Variants in ZNF98 observed in about 807,000 individuals in gnomAD.
ZNF98 encodes the protein zinc finger protein 98.
ZNF98 carries 8 observed loss-of-function variants against 12.8 expected under a neutral mutation model. That is an observed-to-expected ratio of 0.63 (90% CI 0.37 to 1.13). ZNF98 has a LOEUF of 1.13. ZNF98 is among the 50% of genes most tolerant of loss of function. ZNF98 has a pLI of 0.01. For missense variants in ZNF98, 379 were observed against 666.1 expected (o/e 0.57, Z 4.74); for synonymous variants, 112 against 223.5 (o/e 0.50, Z 4.45).
At chr19:22,413,351 G>A (rs1255342290) in intron 1 of ZNF98, among the ~76,000 whole-genome samples, 5 of 151,974 alleles carry the variant, frequency 3.3e-5, no homozygotes, top group African/African-American at 7.2e-5. Context: ...CTATAATCTC[G>A]GCAGAAAAGC....
chr19:22,394,278 C>A (rs11883405), intron 3 of ZNF98, among the ~76,000 whole-genome samples: 2 of 143,660 alleles, frequency 1.4e-5, no homozygotes, highest in East Asian at 4.0e-4. Flanking sequence ...GACAGTGTTG[C>A]GATTCCTCAA....
intron 1 of ZNF98, among the ~76,000 whole-genome samples, chr19:22,419,474 G>C (rs1249304002): frequency 2.0e-5 from 3 of 152,054 alleles, no homozygotes; most frequent in African/African-American, 4.8e-5. Flanking sequence ...TCTTTTGTAG[G>C]CTCAATATTA....
intron 3 of ZNF98, among the ~76,000 whole-genome samples, chr19:22,393,655 C>T (rs1416019369): frequency 3.3e-5 from 5 of 151,972 alleles, no homozygotes; most frequent in Non-Finnish European, 5.9e-5. Flanking sequence ...AAACTGGATC[C>T]CTTCCTTACA....
intron 1 of ZNF98, among the ~76,000 whole-genome samples, chr19:22,413,668 CA>C (rs554621105): frequency 4.8e-4 from 73 of 151,628 alleles, no homozygotes; most frequent in African/African-American, 1.6e-3. Flanking sequence ...GTTGAGAGTT[CA>C]AGACCAGCCT....
At chr19:22,418,673 G>A (rs976455739) in intron 1 of ZNF98, among the ~76,000 whole-genome samples, 1 of 152,172 alleles carries the variant, frequency 6.6e-6, no homozygotes, top group Non-Finnish European at 1.5e-5. Context: ...GAGGTCAGGA[G>A]TTCGAGAGCA....
At chr19:22,414,823 A>C (rs2145121479) in intron 1 of ZNF98, among the ~76,000 whole-genome samples, 1 of 152,312 alleles carries the variant, frequency 6.6e-6, no homozygotes, top group East Asian at 1.9e-4. Context: ...GAAGCCGGCA[A>C]AAATTTTAAA....
At position 22,394,145 on chromosome 19, in the gene ZNF98, C is replaced by T. The variant is rs940369142; in HGVS notation, c.254-1164G>A. Among the ~76,000 whole-genome samples the T allele has an allele frequency of 3.4e-5, 5 of 145,720 alleles. No homozygotes were observed. The Admixed American group carries it at 3.5e-4, about 10-fold the overall frequency. ...TCAAAACCACAATGAGATACCATCT[C>T]ATGCCAGTTAGAATGGTGATCATTA... is the stretch of plus-strand genomic sequence containing the variant. On this transcript the variant is annotated intron_variant, in intron 3 of 3. Coordinates refer to ENST00000357774, the MANE Select transcript of ZNF98 (RefSeq NM_001098626.2).
intron 1 of ZNF98, among the ~76,000 whole-genome samples, chr19:22,408,686 C>A (rs776199150): frequency 4.6e-5 from 7 of 151,934 alleles, no homozygotes; most frequent in African/African-American, 7.3e-5. Context: ...ATAAACATCA[C>A]AATTGCTACA....
At chr19:22,414,283 A>T (rs1046599326) in intron 1 of ZNF98, among the ~76,000 whole-genome samples, 2 of 151,636 alleles carry the variant, frequency 1.3e-5, no homozygotes, top group African/African-American at 4.8e-5. Flanking sequence ...GAAAAGATCA[A>T]TATTATTAAA....
Position 22,403,509 on chromosome 19 carries a change from C to CT in ZNF98, c.33dup (p.Val12SerfsTer5), listed in dbSNP as rs776654995. The CT allele has an allele frequency of 6.3e-7, 1 of 1,593,846 alleles. No homozygotes were observed. The highest frequency in any genetic ancestry group is 1.1e-5 in the South Asian group (1 of 88,056). ...AAGGCCACATCCCTAAATGTCAACACTCCCTGAAAAACATACAAACACACA... is the reference window on the plus strand; with the variant it reads ...AAGGCCACATCCCTAAATGTCAACACTTCCCTGAAAAACATACAAACACACA... On this transcript the variant is annotated frameshift_variant, in exon 2 of 4. Transcript: ENST00000357774. LOFTEE classifies it high-confidence loss of function.
At chr19:22,422,048 G>A (rs1225166476) in intron 1 of ZNF98, 147 bp downstream of exon 1, 23 of 1,007,602 alleles carry the variant, frequency 2.3e-5, no homozygotes, top group Non-Finnish European at 3.6e-5. Context: ...ATCGCTGAAG[G>A]GGACTGAGGC....
Position 22,392,498 on chromosome 19 carries a change from G to A in ZNF98, c.737C>T (p.Ala246Val). The A allele has an allele frequency of 6.3e-7, 1 of 1,583,186 alleles. No individual in the cohort carries two copies. Among genetic ancestry groups the A allele is most frequent in the Non-Finnish European group, 8.6e-7 (1 of 1,164,578 alleles). ...KPYKCEECGK[A>V]FNRLSHLTTH... ...AGTAAGGTGTGAGAGCCGGTTAAAG[G>A]CTTTTCCACACTCTTCGCATTTGTA... Residue 246 changes from alanine (A) to valine (V), a missense_variant, in exon 4 of 4, where the codon GCC becomes GTC. Coordinates refer to ENST00000357774, the MANE Select transcript of ZNF98 (RefSeq NM_001098626.2).
At chr19:22,406,301 T>C (rs1969517874) in intron 1 of ZNF98, among the ~76,000 whole-genome samples, 1 of 151,922 alleles carries the variant, frequency 6.6e-6, no homozygotes, top group Non-Finnish European at 1.5e-5. Flanking sequence ...CCAGCCTCCT[T>C]GAGTATTATC....
In ZNF98 at chr19:22,407,212, A is replaced by G. The variant is rs377367136; in HGVS notation, c.31-3700T>C. 9.2e-5 allele frequency among the ~76,000 whole-genome samples: 14 copies of G among 151,604 alleles called. No homozygotes were observed. In the East Asian group the frequency reaches 1.2e-3, roughly 13 times the overall value. ...GCTGGGATTACAGGCGCGTGCCACC[A>G]TGACCAGCTAATTTTTCTACGTTTA... is the stretch of plus-strand genomic sequence containing the variant. On this transcript the variant is annotated intron_variant, in intron 1 of 3. Coordinates refer to ENST00000357774, the MANE Select transcript of ZNF98 (RefSeq NM_001098626.2).
At chr19:22,422,113 C>T in intron 1 of ZNF98, 82 bp downstream of exon 1, 1 of 1,564,088 alleles carries the variant, frequency 6.4e-7, no homozygotes, top group Non-Finnish European at 8.8e-7. Context: ...AGCGGGGAGG[C>T]CTGAGTCCCG....
intron 1 of ZNF98, among the ~76,000 whole-genome samples, chr19:22,416,036 C>T (rs1045301040): frequency 6.0e-5 from 9 of 149,142 alleles, no homozygotes; most frequent in Middle Eastern, 3.4e-3. Context: ...CCCAGCTACT[C>T]GGGAGGCTGA....
chr19:22,402,541 G>T, intron 3 of ZNF98: 1 of 460,244 alleles, frequency 2.2e-6, no homozygotes, highest in Non-Finnish European at 3.8e-6. Context: ...CATGAAGAGG[G>T]CTGTCTTGGC....
intron 1 of ZNF98, among the ~76,000 whole-genome samples, chr19:22,419,427 C>G (rs114422177): frequency 6.6e-6 from 1 of 152,026 alleles, no homozygotes; most frequent in East Asian, 1.9e-4. Flanking sequence ...GCGAGAGAGG[C>G]TCTTCAGAAA....
At chr19:22,395,581 T>TA (rs796130101) in intron 3 of ZNF98, among the ~76,000 whole-genome samples, 103 of 149,440 alleles carry the variant, frequency 6.9e-4, no homozygotes, top group African/African-American at 2.1e-3. Flanking sequence ...ATCAAAATAT[T>TA]AAAAAAAAAC....
Sources: gnomAD v4.1 joint callset for allele counts (sites outside exome capture counted in the v4.1 genomes callset) on GRCh38, gnomAD v4.1.1 for gene constraint, MANE v1.5 for transcripts, NCBI Gene and HGNC (gene_info 2026-07-23, HGNC 2026-07-21) for gene names.